Variants in USP45 observed in about 807,000 individuals in gnomAD.
USP45 encodes the protein ubiquitin specific peptidase 45.
In USP45, 89 loss-of-function variants were observed where a neutral mutation model predicts 95.8. That is an observed-to-expected ratio of 0.93 (90% CI 0.78 to 1.11). The LOEUF (loss-of-function observed/expected upper bound fraction) is 1.11. Among genes scored for constraint, USP45 ranks in the 50% least tolerant of loss-of-function variants. The probability of loss-of-function intolerance (pLI) is 0.00; values close to 1 mark genes in which losing one functional copy is unlikely to be tolerated. For missense variants in USP45, 898 were observed against 942.5 expected (o/e 0.95, Z 0.62); for synonymous variants, 281 against 316.2 (o/e 0.89, Z 1.18).
At chr6:99,464,816 A>C in intron 12 of USP45, 69 bp from the exon 13 acceptor site, 2 of 1,469,460 alleles carry the variant, frequency 1.4e-6, no homozygotes, top group Non-Finnish European at 1.8e-6. Flanking sequence ...CTCATCTTAA[A>C]ATTTTTGACT....
intron 13 of USP45, among the ~76,000 whole-genome samples, chr6:99,463,147 G>C (rs1786958250): frequency 6.6e-6 from 1 of 151,980 alleles, no homozygotes; most frequent in Non-Finnish European, 1.5e-5. Context: ...TATGTCCCTA[G>C]TGAAATAATA....
intron 13 of USP45, among the ~76,000 whole-genome samples, chr6:99,463,975 T>G (rs1787229053): frequency 1.3e-5 from 2 of 152,276 alleles, no homozygotes; most frequent in South Asian, 4.1e-4. Context: ...ATATTTTTGA[T>G]ATGATAATGG....
chr6:99,487,709 G>A (rs1794281535), intron 7 of USP45, among the ~76,000 whole-genome samples: 2 of 151,482 alleles, frequency 1.3e-5, no homozygotes, highest in African/African-American at 4.9e-5. Flanking sequence ...GTAGGAGAAT[G>A]GCATAAACCC....
rs531314400 is a variant in USP45, at chr6:99,458,332, AC to A, written c.1308+6271del. On this transcript the variant is annotated intron_variant, in intron 13 of 17. Transcript: ENST00000500704. ...CCGCACCCAGCCAGTATCAGCTATTACGATTGGCAGCAATCATGAGAATGAG... is the reference window on the plus strand; with the variant it reads ...CCGCACCCAGCCAGTATCAGCTATTAGATTGGCAGCAATCATGAGAATGAG... 1.8e-4 allele frequency among the ~76,000 whole-genome samples: 27 copies of A among 152,228 alleles called. No homozygotes were observed. The South Asian group carries it at 5.4e-3, about 30-fold the overall frequency.
chr6:99,439,046 C>T (rs936212922), intron 16 of USP45, among the ~76,000 whole-genome samples: 1 of 152,162 alleles, frequency 6.6e-6, no homozygotes, highest in African/African-American at 2.4e-5. Context: ...ACAGCAGATA[C>T]ACTGTAATTC....
At chr6:99,470,109 C>T (rs1236327761) in intron 9 of USP45, among the ~76,000 whole-genome samples, 1 of 147,264 alleles carries the variant, frequency 6.8e-6, no homozygotes, top group East Asian at 1.9e-4. Flanking sequence ...GACACCTATA[C>T]ATCAGATATG....
chr6:99,471,116 AC>A (rs1293474123), intron 9 of USP45, among the ~76,000 whole-genome samples: 1 of 152,166 alleles, frequency 6.6e-6, no homozygotes, highest in African/African-American at 2.4e-5. Flanking sequence ...TAAATATTAG[AC>A]TTTTGCTTTT....
chr6:99,437,223 A>C (rs1283736996), intron 17 of USP45, 23 bp downstream of exon 17: 1 of 1,588,084 alleles, frequency 6.3e-7, no homozygotes, highest in Admixed American at 1.9e-5. Context: ...TTTTAAGAAT[A>C]AAATAAACTT....
intron 9 of USP45, among the ~76,000 whole-genome samples, chr6:99,471,757 T>C (rs748533612): frequency 6.6e-6 from 1 of 152,200 alleles, no homozygotes; most frequent in Non-Finnish European, 1.5e-5. Context: ...AAGATTCTGG[T>C]GGCAGACATA....
intron 9 of USP45, among the ~76,000 whole-genome samples, chr6:99,469,806 G>T (rs1250714049): frequency 2.0e-5 from 3 of 151,526 alleles, no homozygotes; most frequent in East Asian, 3.9e-4. Context: ...TGTTCGTTTT[G>T]TAGAGACAGG....
At chr6:99,483,792 T>C (rs1169850366) in intron 7 of USP45, among the ~76,000 whole-genome samples, 1 of 120,498 alleles carries the variant, frequency 8.3e-6, no homozygotes, top group African/African-American at 3.4e-5. Flanking sequence ...GAGCCGAGAT[T>C]GCGCCACTGC....
rs751595241 is a variant in USP45 at position 99,439,840 on chromosome 6, G to A, written c.2089C>T (p.Arg697Cys). ...KRFHQAGLSLRKVNRHVDFPL... is the reference protein window; with the variant it reads ...KRFHQAGLSLCKVNRHVDFPL... ...AAATCTACATGTCTGTTTACTTTAC[G>A]AAGACTCAAGCCAGCCTTAAAAAGA... The change falls in exon 16 of 18, where the codon CGT becomes TGT. Residue 697 changes from arginine to cysteine, a missense_variant. Coordinates refer to ENST00000500704, the MANE Select transcript of USP45 (RefSeq NM_001346022.3). 10 of 1,606,632 alleles carry A rather than the reference G, an allele frequency of 6.2e-6. No homozygotes were observed. The highest frequency in any genetic ancestry group is 1.7e-5 in the Admixed American group (1 of 59,234).
intron 8 of USP45, among the ~76,000 whole-genome samples, chr6:99,477,379 C>T (rs1791125092): frequency 6.6e-6 from 1 of 152,166 alleles, no homozygotes; most frequent in Admixed American, 6.5e-5. Flanking sequence ...TCTCAGCTCA[C>T]TGCAACCTCC....
chr6:99,491,082 T>C (rs1249555404), intron 5 of USP45, among the ~76,000 whole-genome samples: 1 of 152,192 alleles, frequency 6.6e-6, no homozygotes, highest in East Asian at 1.9e-4. Context: ...TCCAGAATCC[T>C]GAGGTAAAGC....
chr6:99,461,569 A>G (rs1786481808), intron 13 of USP45: 7 of 985,388 alleles, frequency 7.1e-6, no homozygotes, highest in Middle Eastern at 1.0e-3. Context: ...AGGTACTCAG[A>G]GATAACATCT....
intron 5 of USP45, among the ~76,000 whole-genome samples, chr6:99,497,084 C>G (rs922403495): frequency 6.6e-6 from 1 of 152,056 alleles, no homozygotes; most frequent in African/African-American, 2.4e-5. Flanking sequence ...TTTGCCTATT[C>G]ACCCCTTCTT....
chr6:99,497,640 C>T (rs903879918), intron 5 of USP45, among the ~76,000 whole-genome samples: 1 of 152,154 alleles, frequency 6.6e-6, no homozygotes, highest in Non-Finnish European at 1.5e-5. Context: ...TATAGGCATT[C>T]CTATCTGTCT....
At chr6:99,475,519 T>G (rs1790603572) in intron 9 of USP45, among the ~76,000 whole-genome samples, 1 of 152,054 alleles carries the variant, frequency 6.6e-6, no homozygotes, top group Non-Finnish European at 1.5e-5. Flanking sequence ...TTTCAGCATG[T>G]TTCCCAGGCT....
intron 7 of USP45, among the ~76,000 whole-genome samples, chr6:99,484,083 G>A (rs1036898642): frequency 6.9e-4 from 81 of 116,612 alleles, no homozygotes; most frequent in Admixed American, 3.7e-3. Context: ...CAATCCTCCC[G>A]CCTCAGCCTC....
Sources: gnomAD v4.1 joint callset for allele counts (sites outside exome capture counted in the v4.1 genomes callset) on GRCh38, gnomAD v4.1.1 for gene constraint, MANE v1.5 for transcripts, NCBI Gene and HGNC (gene_info 2026-07-23, HGNC 2026-07-21) for gene names.